KCNMB2: variants seen among roughly 807,000 people sequenced by gnomAD.
KCNMB2 encodes the protein potassium calcium-activated channel subfamily M regulatory beta subunit 2.
A neutral mutation model predicts 24.5 loss-of-function variants in KCNMB2; 9 were observed. That is an observed-to-expected ratio of 0.37 (90% confidence interval 0.22 to 0.64). KCNMB2 has a LOEUF of 0.64. KCNMB2 is among the 30% of genes least tolerant of loss of function. The pLI is 0.63. For synonymous variants in KCNMB2, 109 were observed against 104.4 expected (o/e 1.04, Z -0.27); for missense variants, 226 against 284.3 (o/e 0.79, Z 1.47).
In KCNMB2 at chr3:178,594,873, TAGAG is replaced by T. The variant is rs562501352; in HGVS notation, c.-68+58166_-68+58169del. ...TACTAAAGTTTCATATGAGTATCATTAGAGAGATTTCATTCTTCACCATATTCTC... is the reference window on the plus strand; with the variant it reads ...TACTAAAGTTTCATATGAGTATCATTAGATTTCATTCTTCACCATATTCTC... On this transcript the variant is annotated intron_variant, in intron 1 of 4. Coordinates refer to ENST00000452583, the MANE Select transcript of KCNMB2 (RefSeq NM_181361.3). 4.5e-3 allele frequency among the ~76,000 whole-genome samples: 686 copies of T among 152,206 alleles called. 5 individuals are homozygous for T. The highest frequency in any genetic ancestry group is 0.02 in the Middle Eastern group (6 of 294).
At chr3:178,580,473 C>G (rs1223445675) in intron 1 of KCNMB2, among the ~76,000 whole-genome samples, 1 of 152,166 alleles carries the variant, frequency 6.6e-6, no homozygotes, top group Non-Finnish European at 1.5e-5. Context: ...CAAGGATGCC[C>G]TCTCTCCACT....
At chr3:178,823,180 A>G (rs968820241) in intron 2 of KCNMB2, among the ~76,000 whole-genome samples, 2 of 152,254 alleles carry the variant, frequency 1.3e-5, no homozygotes, top group African/African-American at 4.8e-5. Flanking sequence ...TGTAAATCCT[A>G]GAATTTCCAA....
intron 1 of KCNMB2, among the ~76,000 whole-genome samples, chr3:178,644,539 A>C (rs959594338): frequency 6.6e-6 from 1 of 152,248 alleles, no homozygotes; most frequent in Non-Finnish European, 1.5e-5. Context: ...CCTCTGCAGC[A>C]GTGCTGCATC....
intron 1 of KCNMB2, among the ~76,000 whole-genome samples, chr3:178,546,004 A>G (rs1715760714): frequency 6.6e-6 from 1 of 151,378 alleles, no homozygotes; most frequent in South Asian, 2.1e-4. Context: ...TGTGTAGATA[A>G]CTCAAGGTAA....
At chr3:178,574,108 CAAG>C (rs138793611) in intron 1 of KCNMB2, among the ~76,000 whole-genome samples, 1,592 of 152,210 alleles carry the variant, frequency 0.01, 11 homozygotes, top group Non-Finnish European at 0.017. Flanking sequence ...AATTCGACAC[CAAG>C]AAGGACAGTT....
chr3:178,840,001 G>A (rs1715369502), intron 4 of KCNMB2, among the ~76,000 whole-genome samples: 1 of 152,118 alleles, frequency 6.6e-6, no homozygotes, highest in South Asian at 2.1e-4. Context: ...TCTGAGATAA[G>A]GTAAATCCCT....
At chr3:178,541,144 A>G (rs1715602227) in intron 1 of KCNMB2, among the ~76,000 whole-genome samples, 1 of 152,206 alleles carries the variant, frequency 6.6e-6, no homozygotes, top group African/African-American at 2.4e-5. Flanking sequence ...GAAATTTATC[A>G]AGATGGTTTT....
intron 1 of KCNMB2, among the ~76,000 whole-genome samples, chr3:178,694,738 C>A (rs1721812867): frequency 6.6e-6 from 1 of 152,246 alleles, no homozygotes; most frequent in African/African-American, 2.4e-5. Flanking sequence ...AAGAGGTGGG[C>A]TCCCAGGGTT....
intron 1 of KCNMB2, among the ~76,000 whole-genome samples, chr3:178,560,511 A>G (rs1283387178): frequency 6.6e-6 from 1 of 152,242 alleles, no homozygotes; most frequent in African/African-American, 2.4e-5. Context: ...AGATTACTGC[A>G]TGGGCAAATG....
intron 1 of KCNMB2, among the ~76,000 whole-genome samples, chr3:178,757,349 G>GAT (rs768743661): frequency 0.047 from 918 of 19,608 alleles, 174 homozygotes; most frequent in Admixed American, 0.11. Flanking sequence ...TATCCAAGAG[G>GAT]ATATATATAT....
At chr3:178,621,800 A>T (rs1718933235) in intron 1 of KCNMB2, among the ~76,000 whole-genome samples, 1 of 152,318 alleles carries the variant, frequency 6.6e-6, no homozygotes, top group East Asian at 1.9e-4. Flanking sequence ...CAGAGAAGGG[A>T]ACTCAAGATC....
chr3:178,673,537 T>A (rs1720975229), intron 1 of KCNMB2, among the ~76,000 whole-genome samples: 1 of 151,910 alleles, frequency 6.6e-6, no homozygotes, highest in Non-Finnish European at 1.5e-5. Flanking sequence ...GCCTATAAAT[T>A]TCACCTTCCC....
At chr3:178,797,630 G>T (rs1476885526) in intron 1 of KCNMB2, among the ~76,000 whole-genome samples, 1 of 152,188 alleles carries the variant, frequency 6.6e-6, no homozygotes, top group African/African-American at 2.4e-5. Flanking sequence ...AAAACCATAT[G>T]ATCATTTCGA....
intron 1 of KCNMB2, among the ~76,000 whole-genome samples, chr3:178,662,434 A>G (rs1237572888): frequency 6.6e-6 from 1 of 152,188 alleles, no homozygotes; most frequent in Non-Finnish European, 1.5e-5. Context: ...TGATGTAAAC[A>G]ATGATACAGA....
At chr3:178,687,517 T>A (rs1431388456) in intron 1 of KCNMB2, among the ~76,000 whole-genome samples, 2 of 152,088 alleles carry the variant, frequency 1.3e-5, no homozygotes, top group Non-Finnish European at 2.9e-5. Context: ...CTTATGGGAA[T>A]TAACATAATG....
At chr3:178,641,564 G>A (rs1453636077) in intron 1 of KCNMB2, among the ~76,000 whole-genome samples, 4 of 151,986 alleles carry the variant, frequency 2.6e-5, no homozygotes, top group South Asian at 2.1e-4. Context: ...TTCCAGGAGG[G>A]TTTCTTGTTG....
chr3:178,634,304 C>T (rs568540495), intron 1 of KCNMB2, among the ~76,000 whole-genome samples: 1 of 152,110 alleles, frequency 6.6e-6, no homozygotes, highest in Non-Finnish European at 1.5e-5. Context: ...AGTCCGTTCT[C>T]ACACTGCTAA....
Position 178,536,466 on chromosome 3 carries a change from T to A in KCNMB2, c.-313T>A, listed in dbSNP as rs1715414795. 1 of 152,326 alleles carries A rather than the reference T, an allele frequency of 6.6e-6. No homozygotes were observed. The highest frequency in any genetic ancestry group is 1.5e-5 in the Non-Finnish European group (1 of 68,034). The allele number at this position is 152,326 out of a possible 1,614,324, so 9.4% of individuals were successfully genotyped here. A position where few individuals can be genotyped will look rare whatever the true frequency, so the allele number is the denominator to read the frequency against. On this transcript the variant is annotated 5_prime_UTR_variant, in exon 1 of 5. Transcript: ENST00000452583. Reference sequence around the variant, plus strand: ...GAAGCAGCTTTAACGGAGCTCCAGATAACTAATTTCAAGCATGGCTGTCTA... The same window carrying A: ...GAAGCAGCTTTAACGGAGCTCCAGAAAACTAATTTCAAGCATGGCTGTCTA...
chr3:178,546,450 G>C (rs79865932), intron 1 of KCNMB2, among the ~76,000 whole-genome samples: 1 of 152,162 alleles, frequency 6.6e-6, no homozygotes, highest in Non-Finnish European at 1.5e-5. Flanking sequence ...TTGTATTCTA[G>C]TGAGAAGTAA....
Sources: gnomAD v4.1 joint callset for allele counts (sites outside exome capture counted in the v4.1 genomes callset) on GRCh38, gnomAD v4.1.1 for gene constraint, MANE v1.5 for transcripts, NCBI Gene and HGNC (gene_info 2026-07-23, HGNC 2026-07-21) for gene names.